The following MIB1 variants were observed in gnomAD, a reference collection of about 807,000 sequenced individuals.
MIB1 encodes the protein E3 ubiquitin-protein ligase MIB1.
Under a neutral mutation model 124.5 loss-of-function variants are expected in MIB1, and 278 were observed. That is an observed-to-expected ratio of 2.23 (90% CI 2.02 to 2.47). MIB1 has a LOEUF of 2.47. Ranked by LOEUF, MIB1 falls within the 30% of genes most tolerant of loss-of-function variation. The probability of loss-of-function intolerance (pLI) is 0.00; values close to 1 mark genes in which losing one functional copy is unlikely to be tolerated. For synonymous variants in MIB1, 446 were observed against 429.4 expected (o/e 1.04, Z -0.48); for missense variants, 957 against 1,254.4 (o/e 0.76, Z 3.58).
intron 13 of MIB1, among the ~76,000 whole-genome samples, chr18:21,839,415 T>C (rs1170522661): frequency 6.6e-6 from 1 of 152,248 alleles, no homozygotes; most frequent in African/African-American, 2.4e-5. Context: ...TGTTGCCTTA[T>C]AGAAAGTCTT....
At chr18:21,829,686 C>T (rs2041960885) in intron 12 of MIB1, among the ~76,000 whole-genome samples, 1 of 151,994 alleles carries the variant, frequency 6.6e-6, no homozygotes, top group Non-Finnish European at 1.5e-5. Context: ...GAAAATTTGT[C>T]ATTCTTTTTT....
At chr18:21,785,538 G>C (rs1244581219) in intron 6 of MIB1, among the ~76,000 whole-genome samples, 1 of 152,124 alleles carries the variant, frequency 6.6e-6, no homozygotes. Context: ...ATTGTGACTT[G>C]TTGTCTCTGT....
chr18:21,792,378 C>T (rs369405389), intron 7 of MIB1, among the ~76,000 whole-genome samples: 9 of 151,810 alleles, frequency 5.9e-5, no homozygotes, highest in Non-Finnish European at 1.0e-4. Flanking sequence ...TGTAATTGTT[C>T]GGTCTCTTCT....
At chr18:21,793,644 G>C (rs1286294326) in intron 7 of MIB1, among the ~76,000 whole-genome samples, 2 of 151,590 alleles carry the variant, frequency 1.3e-5, no homozygotes, top group Non-Finnish European at 2.9e-5. Context: ...AGCCAGGTGT[G>C]GTGGTGTGTG....
In MIB1 at chr18:21,799,840, GA is replaced by G; in HGVS notation, c.1240del (p.Arg414AspfsTer6). On this transcript the variant is annotated frameshift_variant and splice_region_variant, in exon 9 of 21. Transcript: ENST00000261537. LOFTEE classifies it high-confidence loss of function. ...AGSAISNASG[E>X]RLSQLLKKLF... ...TAGCAGCTTTATTTGATGCTTTACAGAAAGACTCTCACAACTCCTGAAGAAA... is the reference window on the plus strand; with the variant it reads ...TAGCAGCTTTATTTGATGCTTTACAGAAGACTCTCACAACTCCTGAAGAAA... 1 of 1,608,964 alleles carries G rather than the reference GA, an allele frequency of 6.2e-7. No homozygotes were observed. The highest frequency in any genetic ancestry group is 8.5e-7 in the Non-Finnish European group (1 of 1,176,808).
chr18:21,729,213 GT>G (rs1303182341), intron 1 of MIB1, among the ~76,000 whole-genome samples: 1 of 152,238 alleles, frequency 6.6e-6, no homozygotes, highest in Non-Finnish European at 1.5e-5. Flanking sequence ...ATAGTTATTA[GT>G]TGGGTACTTC....
intron 18 of MIB1, among the ~76,000 whole-genome samples, chr18:21,856,749 A>G (rs2042232627): frequency 6.6e-6 from 1 of 152,210 alleles, no homozygotes; most frequent in African/African-American, 2.4e-5. Context: ...AATATAAAGA[A>G]AATTATCACG....
At chr18:21,722,269 T>G (rs1340969865) in intron 1 of MIB1, among the ~76,000 whole-genome samples, 1 of 152,184 alleles carries the variant, frequency 6.6e-6, no homozygotes, top group Non-Finnish European at 1.5e-5. Context: ...TTGGCCAGGC[T>G]GATCTCGAAC....
chr18:21,774,793 T>C (rs1334218684), intron 4 of MIB1, among the ~76,000 whole-genome samples: 1 of 151,578 alleles, frequency 6.6e-6, no homozygotes, highest in African/African-American at 2.4e-5. Context: ...TTATTTCCAT[T>C]TATTTATTTA....
rs1019490261 is a variant in MIB1 at position 21,849,475 on chromosome 18, CTG to C, written c.2586+91_2586+92del. The C allele has an allele frequency of 8.0e-5, 58 of 723,588 alleles. No homozygotes were observed. In the African/African-American group the frequency reaches 9.9e-4, roughly 12 times the overall value. The allele number at this position is 723,588 out of a possible 1,614,324, so 44.8% of individuals were successfully genotyped here. On this transcript the variant is annotated intron_variant, in intron 17 of 20. Coordinates refer to ENST00000261537, the MANE Select transcript of MIB1 (RefSeq NM_020774.4). ...AATAAGATTTAATGACATCATGCGT[CTG>C]TGTAATTTTGCTCTTCCAAACAATG... is the stretch of plus-strand genomic sequence containing the variant.
intron 6 of MIB1, among the ~76,000 whole-genome samples, chr18:21,789,331 A>G (rs991850577): frequency 6.6e-6 from 1 of 151,736 alleles, no homozygotes; most frequent in Non-Finnish European, 1.5e-5. Context: ...CTCTCTTATA[A>G]GGACACTAAA....
intron 7 of MIB1, among the ~76,000 whole-genome samples, chr18:21,795,336 AATAT>A (rs1014707818): frequency 5.8e-5 from 8 of 138,248 alleles, no homozygotes; most frequent in Non-Finnish European, 9.1e-5. Context: ...ATAAATATAT[AATAT>A]ATATAATATA....
intron 1 of MIB1, among the ~76,000 whole-genome samples, chr18:21,713,412 C>G (rs954609319): frequency 5.3e-5 from 8 of 151,786 alleles, no homozygotes; most frequent in African/African-American, 1.9e-4. Flanking sequence ...GCATTCAAGA[C>G]CAGCCTCGCC....
chr18:21,849,274 T>C lies in MIB1; in HGVS notation c.2472T>C (p.Asp824=), dbSNP rs942514171. Residue 824 remains aspartate (D), a synonymous_variant, in exon 17 of 21, where the codon GAT becomes GAC. Coordinates refer to ENST00000261537, the MANE Select transcript of MIB1 (RefSeq NM_020774.4). ...ETLEECMVCS[D]MKRDTLFGPC... The stretch of plus-strand genomic sequence containing the variant: ...TAGAAGAGTGTATGGTGTGCTCAGA[T>C]ATGAAGAGAGATACTCTTTTTGGTC... 3.7e-6 allele frequency: 6 copies of C among 1,613,024 alleles called. No individual in the cohort carries two copies. The highest frequency in any genetic ancestry group is 5.1e-6 in the Non-Finnish European group (6 of 1,179,218).
chr18:21,842,812 C>A (rs2042103152), intron 13 of MIB1, among the ~76,000 whole-genome samples: 1 of 152,132 alleles, frequency 6.6e-6, no homozygotes, highest in Admixed American at 6.5e-5. Flanking sequence ...TGATTATCTC[C>A]ATTGCTTTAT....
rs546116908 is a variant in MIB1 at position 21,740,905 on chromosome 18, C to G, written c.-679C>G. Among the ~76,000 whole-genome samples the G allele has an allele frequency of 3.3e-5, 5 of 152,388 alleles. No homozygotes were observed. The South Asian group carries it at 1.0e-3, about 32-fold the overall frequency. ...TATTGCCGAGGATCCCCCTCCTAGA[C>G]ACTCTGAGAAGGTGCCGCTCCGGCC... On this transcript the variant is annotated 5_prime_UTR_variant, in exon 1 of 21. Coordinates refer to ENST00000261537, the MANE Select transcript of MIB1 (RefSeq NM_020774.4).
rs755510609 is a variant in MIB1 at position 21,783,244 on chromosome 18, CT to C, written c.908+3572del. Among the ~76,000 whole-genome samples the C allele has an allele frequency of 1.4e-3, 206 of 142,974 alleles. 2 individuals carry two copies. Among genetic ancestry groups the C allele is most frequent in the South Asian group, 5.4e-3 (24 of 4,434 alleles). The allele number at this position is 142,974 out of a possible 152,430, so 93.8% of individuals were successfully genotyped here. A position where few individuals can be genotyped will look rare whatever the true frequency, so the allele number is the denominator to read the frequency against. ...TTTTACCCATTCAGCCACTCTATGC[CT>C]TTTTTTTTTTTTCTTGAGATGGAAT... On this transcript the variant is annotated intron_variant, in intron 6 of 20. Transcript: ENST00000261537.
intron 6 of MIB1, among the ~76,000 whole-genome samples, chr18:21,786,536 AC>A (rs1307268369): frequency 1.3e-5 from 2 of 150,926 alleles, no homozygotes; most frequent in African/African-American, 4.9e-5. Flanking sequence ...TAAGCTTCTT[AC>A]CCCTTGCTCT....
Position 21,732,351 on chromosome 18 carries a change from TACACACACACACACACAC to T in MIB1, n.167+27254_167+27271del, listed in dbSNP as rs59731612. Among the ~76,000 whole-genome samples, 164 of 141,058 alleles carry T rather than the reference TACACACACACACACACAC, an allele frequency of 1.2e-3. 1 individual carries two copies. Among genetic ancestry groups the T allele is most frequent in the Non-Finnish European group, 1.2e-3 (79 of 65,520 alleles). 92.5% of individuals were successfully genotyped at this position (141,058 alleles called of 152,430 possible). A position where few individuals can be genotyped will look rare whatever the true frequency, so the allele number is the denominator to read the frequency against. On this transcript the variant is annotated intron_variant and non_coding_transcript_variant, in intron 1 of 20. Coordinates refer to the MIB1 transcript ENST00000578646. ...TAAAAAAATATATATATTATATGTA[TACACACACACACACACAC>T]ACACACACACACACACACACACACA... is the stretch of plus-strand genomic sequence containing the variant.
Sources: gnomAD v4.1 joint callset for allele counts (sites outside exome capture counted in the v4.1 genomes callset) on GRCh38, gnomAD v4.1.1 for gene constraint, MANE v1.5 for transcripts, NCBI Gene and HGNC (gene_info 2026-07-23, HGNC 2026-07-21) for gene names.